The following SNTG2 variants were observed in gnomAD, a reference collection of about 807,000 sequenced individuals.
SNTG2 encodes the protein syntrophin gamma 2.
SNTG2 carries 74 observed loss-of-function variants against 70.9 expected under a neutral mutation model. The observed-to-expected ratio is 1.04, with a 90% CI of 0.86 to 1.27. The LOEUF (loss-of-function observed/expected upper bound fraction) is 1.27. SNTG2 is among the 50% of genes most tolerant of loss of function. The pLI is 0.00. For synonymous variants in SNTG2, 278 were observed against 273.8 expected (o/e 1.02, Z -0.15); for missense variants, 717 against 690.7 (o/e 1.04, Z -0.43).
chr2:1,308,369 C>T (rs1680809266), intron 14 of SNTG2, 125 bp from the exon 15 acceptor site: 1 of 822,680 alleles, frequency 1.2e-6, no homozygotes, highest in African/African-American at 1.7e-5. Flanking sequence ...GTTTTGTTCC[C>T]CGTAACTTGC....
At chr2:978,212 G>C (rs937650820) in intron 1 of SNTG2, among the ~76,000 whole-genome samples, 4 of 152,150 alleles carry the variant, frequency 2.6e-5, no homozygotes, top group Non-Finnish European at 5.9e-5. Context: ...TGCAGCTCGT[G>C]GTGCAGGATG....
intron 1 of SNTG2, among the ~76,000 whole-genome samples, chr2:1,005,679 C>T (rs898017041): frequency 1.3e-5 from 2 of 150,722 alleles, no homozygotes; most frequent in African/African-American, 4.9e-5. Context: ...TGACATGTGC[C>T]TATAGTCCCA....
rs140477815 is a variant in SNTG2 at position 1,321,512 on chromosome 2, T to C, written c.1488+5137T>C. On this transcript the variant is annotated intron_variant, in intron 16 of 16. Coordinates refer to ENST00000308624, the MANE Select transcript of SNTG2 (RefSeq NM_018968.4). ...GACCAGAAGGAAATTGGGGTGTTTC[T>C]GATACTGAGACCTGGCTGCTGAGTT... is the stretch of plus-strand genomic sequence containing the variant. Among the ~76,000 whole-genome samples the C allele has an allele frequency of 6.5e-3, 996 of 152,296 alleles. 6 individuals are homozygous for C. The highest frequency in any genetic ancestry group is 0.023 in the African/African-American group (940 of 41,566).
intron 14 of SNTG2, among the ~76,000 whole-genome samples, chr2:1,285,606 C>T (rs1679732866): frequency 6.6e-6 from 1 of 152,184 alleles, no homozygotes. Flanking sequence ...AAGATATTTT[C>T]TTAGTACAAG....
rs564801548 is a variant in SNTG2, at chr2:1,315,852, G to T, written c.1378-413G>T. On this transcript the variant is annotated intron_variant, in intron 15 of 16. Transcript: ENST00000308624. ...TTTGACTATGTCTTATATAATATAGGAAGAACTGGAACTTTTAGTGATTTT... is the reference window on the plus strand; with the variant it reads ...TTTGACTATGTCTTATATAATATAGTAAGAACTGGAACTTTTAGTGATTTT... Among the ~76,000 whole-genome samples, 11 of 152,174 alleles carry T rather than the reference G, an allele frequency of 7.2e-5. No individual in the cohort carries two copies. In the South Asian group the frequency reaches 2.3e-3, roughly 32 times the overall value.
chr2:1,334,964 C>T (rs572703237), intron 16 of SNTG2, among the ~76,000 whole-genome samples: 20 of 152,308 alleles, frequency 1.3e-4, no homozygotes, highest in African/African-American at 4.3e-4. Context: ...ATGTTCAAAA[C>T]GTGCATGGAC....
intron 4 of SNTG2, among the ~76,000 whole-genome samples, chr2:1,099,088 A>G (rs1200131740): frequency 1.3e-5 from 2 of 152,176 alleles, no homozygotes; most frequent in Non-Finnish European, 2.9e-5. Context: ...GGTAAACTCC[A>G]TGCATCTGTC....
chr2:1,207,441 C>T lies in SNTG2; in HGVS notation c.592-1662C>T, dbSNP rs1388962943. On this transcript the variant is annotated intron_variant, in intron 8 of 16. Transcript: ENST00000308624. ...GAGTTTTTTTTTCTGCCTTCAGACA[C>T]ATCTGTAGATGGCGATGCCGCCTCT... is the stretch of plus-strand genomic sequence containing the variant. Among the ~76,000 whole-genome samples the T allele has an allele frequency of 2.0e-5, 3 of 152,090 alleles. No individual in the cohort carries two copies. In the East Asian group the frequency reaches 5.8e-4, roughly 29 times the overall value.
intron 1 of SNTG2, among the ~76,000 whole-genome samples, chr2:1,012,714 GTGGTCTGTAGAGGGATTTATAAGGA>G (rs1390859376): frequency 3.6e-5 from 4 of 111,682 alleles, no homozygotes; most frequent in Non-Finnish European, 6.2e-5. Flanking sequence ...AGAGAGAAGG[GTGGTCTGTAGAGGGATTTATAAGGA>G]CAGAGAGAAG....
chr2:1,208,989 A>G (rs903328942), intron 8 of SNTG2, 114 bp from the exon 9 acceptor site: 24 of 1,247,826 alleles, frequency 1.9e-5, no homozygotes, highest in East Asian at 2.6e-5. Context: ...TTGCTTTTTT[A>G]TCAGTTGAAA....
intron 4 of SNTG2, among the ~76,000 whole-genome samples, chr2:1,134,208 T>C (rs1262502127): frequency 6.6e-6 from 1 of 152,132 alleles, no homozygotes; most frequent in Non-Finnish European, 1.5e-5. Context: ...AGCAAATTTA[T>C]TGCAAAAAGC....
rs150917537 is a variant in SNTG2, at chr2:998,878, A to G, written c.72+47810A>G. ...AATGTGAAGAAAAAAACTTTGAATC[A>G]TCAAGACAAAAGCATCTGATTACCT... On this transcript the variant is annotated intron_variant, in intron 1 of 16. Coordinates refer to ENST00000308624, the MANE Select transcript of SNTG2 (RefSeq NM_018968.4). 2.2e-3 allele frequency among the ~76,000 whole-genome samples: 339 copies of G among 152,218 alleles called. 1 individual carries two copies. The highest frequency in any genetic ancestry group is 7.6e-3 in the African/African-American group (317 of 41,572).
chr2:1,007,082 TA>T (rs1659596404), intron 1 of SNTG2, among the ~76,000 whole-genome samples: 3 of 152,054 alleles, frequency 2.0e-5, no homozygotes, highest in African/African-American at 7.2e-5. Context: ...TATGTATGTA[TA>T]GGGGAGGAGG....
intron 4 of SNTG2, among the ~76,000 whole-genome samples, chr2:1,101,492 T>C (rs1665778044): frequency 6.6e-6 from 1 of 152,252 alleles, no homozygotes; most frequent in South Asian, 2.1e-4. Context: ...ATTTATTTTA[T>C]GTCTTCCATT....
At chr2:1,236,536 A>G (rs370500491) in intron 9 of SNTG2, among the ~76,000 whole-genome samples, 49 of 152,368 alleles carry the variant, frequency 3.2e-4, no homozygotes, top group African/African-American at 1.1e-3. Context: ...CTGCCAAGTC[A>G]AGAGTACCTT....
chr2:1,222,554 G>C (rs1675368568), intron 9 of SNTG2, among the ~76,000 whole-genome samples: 1 of 85,028 alleles, frequency 1.2e-5, no homozygotes, highest in African/African-American at 5.2e-5. Flanking sequence ...CGCTGTAGAG[G>C]AAAGCGGTGC....
chr2:1,153,979 C>A (rs947046436), intron 6 of SNTG2, among the ~76,000 whole-genome samples: 1 of 152,164 alleles, frequency 6.6e-6, no homozygotes, highest in Non-Finnish European at 1.5e-5. Flanking sequence ...TTCCAGGAAC[C>A]AGCTATGAAA....
At chr2:1,083,042 C>T (rs1664438965) in intron 1 of SNTG2, among the ~76,000 whole-genome samples, 2 of 152,192 alleles carry the variant, frequency 1.3e-5, no homozygotes, top group African/African-American at 2.4e-5. Context: ...CTGCTCCCTT[C>T]TGAGAAGGCC....
intron 2 of SNTG2, among the ~76,000 whole-genome samples, chr2:1,093,389 A>T (rs1665163503): frequency 6.6e-6 from 1 of 152,244 alleles, no homozygotes; most frequent in Non-Finnish European, 1.5e-5. Flanking sequence ...GGGTCATAAA[A>T]TAATTAGGAT....
Sources: gnomAD v4.1 joint callset for allele counts (sites outside exome capture counted in the v4.1 genomes callset) on GRCh38, gnomAD v4.1.1 for gene constraint, MANE v1.5 for transcripts, NCBI Gene and HGNC (gene_info 2026-07-23, HGNC 2026-07-21) for gene names.